The following SUGCT variants were observed in gnomAD, a reference collection of about 807,000 sequenced individuals.
The protein encoded by SUGCT is succinyl-CoA:glutarate-CoA transferase.
Under a neutral mutation model 55.0 loss-of-function variants are expected in SUGCT, and 41 were observed. That is an observed-to-expected ratio of 0.74 (90% confidence interval 0.58 to 0.97). The LOEUF (loss-of-function observed/expected upper bound fraction) is 0.97, where lower values mean the gene tolerates loss of function less well. SUGCT is among the 50% of genes least tolerant of loss of function. SUGCT has a pLI of 0.00. For synonymous variants in SUGCT, 187 were observed against 200.4 expected (o/e 0.93, Z 0.56); for missense variants, 568 against 547.8 (o/e 1.04, Z -0.37).
the SUGCT span, among the ~76,000 whole-genome samples, chr7:40,935,158 A>C: frequency 2.0e-5 from 3 of 152,334 alleles, no homozygotes; most frequent in East Asian, 3.9e-4. Flanking sequence ...TTTATGCTCA[A>C]ATTGTCTATT....
At chr7:40,210,514 TATATATA>T (rs920247070) in intron 6 of SUGCT, among the ~76,000 whole-genome samples, 2 of 152,114 alleles carry the variant, frequency 1.3e-5, no homozygotes, top group Non-Finnish European at 2.9e-5. Flanking sequence ...ACAGTCTTGT[TATATATA>T]AAGTTTTGGT....
Position 40,558,538 on chromosome 7 carries a change from C to T in SUGCT, c.1089+62152C>T, listed in dbSNP as rs537547333. Among the ~76,000 whole-genome samples, 13 of 152,250 alleles carry T rather than the reference C, an allele frequency of 8.5e-5. 1 individual carries two copies. The East Asian group carries it at 1.5e-3, about 18-fold the overall frequency. ...ACAGATATCATTAGGATTCCACATA[C>T]GTGAGGTTCATAGAATGGGCAAATT... On this transcript the variant is annotated intron_variant, in intron 12 of 13. Coordinates refer to ENST00000335693, the MANE Select transcript of SUGCT (RefSeq NM_001193313.2).
At chr7:40,138,943 C>T (rs1236179793) in intron 1 of SUGCT, among the ~76,000 whole-genome samples, 1 of 151,978 alleles carries the variant, frequency 6.6e-6, no homozygotes, top group Admixed American at 6.6e-5. Context: ...TTACAGCATA[C>T]TGCCAATGTT....
intron 12 of SUGCT, among the ~76,000 whole-genome samples, chr7:40,590,710 G>C (rs1186692948): frequency 6.6e-6 from 1 of 152,104 alleles, no homozygotes; most frequent in African/African-American, 2.4e-5. Context: ...TCCTTTGTCG[G>C]GGCTAATGTA....
rs141054740 is a variant in SUGCT at position 40,639,716 on chromosome 7, T to C, written c.1090-109718T>C. Among the ~76,000 whole-genome samples the C allele has an allele frequency of 3.3e-3, 492 of 151,218 alleles. 5 individuals are homozygous for C. The highest frequency in any genetic ancestry group is 0.03 in the East Asian group (154 of 5,092). ...TCAGTAGAGACGGGGTTTCGCCACA[T>C]TGGCCAGTCTGTTCTCGAACTCCTG... On this transcript the variant is annotated intron_variant, in intron 12 of 13. Transcript: ENST00000335693.
At chr7:40,468,302 G>T (rs1439509430) in intron 11 of SUGCT, among the ~76,000 whole-genome samples, 4 of 151,930 alleles carry the variant, frequency 2.6e-5, no homozygotes, top group African/African-American at 7.3e-5. Context: ...AAAACTGTTT[G>T]ACTTTTCAGT....
intron 13 of SUGCT, among the ~76,000 whole-genome samples, chr7:40,798,188 T>A (rs1273449281): frequency 6.6e-6 from 1 of 152,250 alleles, no homozygotes; most frequent in Non-Finnish European, 1.5e-5. Context: ...TGATATTATG[T>A]CTTTTCCCTT....
chr7:40,587,861 A>ATT (rs1206092786), intron 12 of SUGCT, among the ~76,000 whole-genome samples: 8 of 151,010 alleles, frequency 5.3e-5, no homozygotes, highest in African/African-American at 1.7e-4. Context: ...AAACAGATAT[A>ATT]TTTATATCCT....
At chr7:40,607,106 ATTT>A (rs201083553) in intron 12 of SUGCT, among the ~76,000 whole-genome samples, 1 of 141,032 alleles carries the variant, frequency 7.1e-6, no homozygotes, top group African/African-American at 2.6e-5. Flanking sequence ...CTTTTTCTGG[ATTT>A]TTTTTTTTTT....
chr7:40,715,713 T>C (rs1487990745), intron 12 of SUGCT, among the ~76,000 whole-genome samples: 2 of 152,178 alleles, frequency 1.3e-5, no homozygotes, highest in Non-Finnish European at 2.9e-5. Flanking sequence ...CCTTTTCTGT[T>C]TTCCCAGACT....
At chr7:40,747,305 A>G (rs1395587972) in intron 12 of SUGCT, among the ~76,000 whole-genome samples, 1 of 152,174 alleles carries the variant, frequency 6.6e-6, no homozygotes, top group Non-Finnish European at 1.5e-5. Flanking sequence ...CCATAGCAAA[A>G]CTGTAGTTCT....
At chr7:40,878,838 G>A in the SUGCT span, among the ~76,000 whole-genome samples, 1 of 150,372 alleles carries the variant, frequency 6.7e-6, no homozygotes, top group Admixed American at 6.7e-5. Context: ...TCTATAGCCA[G>A]GCTGGAATGC....
chr7:40,931,473 AT>A, the SUGCT span, among the ~76,000 whole-genome samples: 1 of 152,054 alleles, frequency 6.6e-6, no homozygotes, highest in Non-Finnish European at 1.5e-5. Flanking sequence ...TTTTCTATTG[AT>A]TGGAATAGTT....
chr7:40,606,694 C>T (rs1219938208), intron 12 of SUGCT, among the ~76,000 whole-genome samples: 1 of 152,174 alleles, frequency 6.6e-6, no homozygotes, highest in Admixed American at 6.5e-5. Context: ...ATGATCAAGT[C>T]TTTATCATGG....
chr7:40,459,216 A>G lies in SUGCT; in HGVS notation c.986+18A>G. ...TCTGAACGGTAAGTTTGGATGTTGT[A>G]TTCATCCATTTAAGAATTAATATGT... On this transcript the variant is annotated intron_variant, in intron 11 of 13. Coordinates refer to ENST00000335693, the MANE Select transcript of SUGCT (RefSeq NM_001193313.2). The G allele has an allele frequency of 6.9e-7, 1 of 1,453,870 alleles. No homozygotes were observed. The highest frequency in any genetic ancestry group is 9.6e-7 in the Non-Finnish European group (1 of 1,042,050). The allele number at this position is 1,453,870 out of a possible 1,614,324, so 90.1% of individuals were successfully genotyped here.
At chr7:40,183,717 G>GT (rs1159748760) in intron 3 of SUGCT, among the ~76,000 whole-genome samples, 1 of 152,120 alleles carries the variant, frequency 6.6e-6, no homozygotes, top group African/African-American at 2.4e-5. Flanking sequence ...GCTTAGATCA[G>GT]TTTTTTGCTT....
intron 11 of SUGCT, among the ~76,000 whole-genome samples, chr7:40,486,128 A>G (rs988720656): frequency 1.3e-5 from 2 of 152,066 alleles, no homozygotes; most frequent in African/African-American, 4.8e-5. Flanking sequence ...CAGCTGTGAA[A>G]CCATCAGGTC....
intron 9 of SUGCT, among the ~76,000 whole-genome samples, chr7:40,398,281 G>A (rs909922037): frequency 1.3e-5 from 2 of 151,932 alleles, no homozygotes; most frequent in African/African-American, 4.8e-5. Context: ...TAGTAGAGAC[G>A]GGGTTTTGCC....
the SUGCT span, among the ~76,000 whole-genome samples, chr7:40,951,041 C>T: frequency 6.6e-6 from 1 of 152,116 alleles, no homozygotes; most frequent in Admixed American, 6.5e-5. Flanking sequence ...ATGGTACCAG[C>T]TCCTCCTTGT....
Sources: allele counts gnomAD v4.1 joint callset (sites outside exome capture counted in the v4.1 genomes callset), GRCh38; gene constraint gnomAD v4.1.1; transcripts MANE v1.5; gene names NCBI Gene and HGNC (gene_info 2026-07-23, HGNC 2026-07-21).